Variants in PLIN5 observed in about 807,000 individuals in gnomAD.
PLIN5 encodes the protein perilipin 5.
PLIN5 carries 34 observed loss-of-function variants against 32.8 expected under a neutral mutation model. The observed-to-expected ratio is 1.04, with a 90% CI of 0.79 to 1.38. The LOEUF is 1.38. Among genes scored for constraint, PLIN5 ranks in the 40% most tolerant of loss-of-function variants. The pLI, the probability that PLIN5 is intolerant of heterozygous loss-of-function variation, is 0.00. For missense variants in PLIN5, 712 were observed against 660.5 expected, an observed-to-expected ratio of 1.08 and a Z score of -0.85; for synonymous variants, 309 against 292.9, an observed-to-expected ratio of 1.05 and a Z score of -0.56.
intron 7 of PLIN5, 45 bp downstream of exon 7, chr19:4,524,918 G>A (rs1251774772): frequency 2.0e-5 from 29 of 1,482,280 alleles, no homozygotes; most frequent in Non-Finnish European, 2.5e-5. Context: ...TTCCTCCGCG[G>A]CCTGGTGGCA....
At position 4,523,078 on chromosome 19, in the gene PLIN5, C is replaced by CT. The variant is rs71168910; in HGVS notation, c.*449dup. ...TACAGGTGCACACCACCACACCTGG[C>CT]TTTTTTTTTTTTTTTCTTTCTTTCT... is the stretch of plus-strand genomic sequence containing the variant. On this transcript the variant is annotated 3_prime_UTR_variant, in exon 8 of 8. Coordinates refer to ENST00000381848, the MANE Select transcript of PLIN5 (RefSeq NM_001013706.3). The surrounding 1 kb of genome is among the most constrained non-coding windows in gnomAD (Gnocchi z 5.0). 0.036 allele frequency: 5,091 copies of CT among 140,188 alleles called. 111 individuals carry two copies. Among genetic ancestry groups the CT allele is most frequent in the Middle Eastern group, 0.051 (14 of 276 alleles). The allele number at this position is 140,188 out of a possible 1,614,324, so 8.7% of individuals were successfully genotyped here.
rs898700566 is a variant in PLIN5 at position 4,529,709 on chromosome 19, C to A, written c.339+75G>T. On this transcript the variant is annotated intron_variant, in intron 4 of 7. Coordinates refer to ENST00000381848, the MANE Select transcript of PLIN5 (RefSeq NM_001013706.3). ...GAGTTAACTAAAAGCCTGGTTGTCA[C>A]CATCCCTCCCTCCCTCCCGCCTCTA... 4.3e-6 allele frequency: 5 copies of A among 1,171,176 alleles called. No individual in the cohort carries two copies. The African/African-American group carries it at 7.7e-5, about 18-fold the overall frequency. The allele number at this position is 1,171,176 out of a possible 1,614,324, so 72.5% of individuals were successfully genotyped here.
Position 4,523,317 on chromosome 19 carries a change from C to G in PLIN5, c.*211G>C. The G allele has an allele frequency of 1.9e-6, 1 of 525,798 alleles. No individual in the cohort carries two copies. The highest frequency in any genetic ancestry group is 3.2e-6 in the Non-Finnish European group (1 of 312,056). The allele number at this position is 525,798 out of a possible 1,614,324, so 32.6% of individuals were successfully genotyped here. ...GGCTCAAGTTGGCCTGAATAGGGTT[C>G]GAGGCCCTGCTCCCCCGGGCCTCTT... On this transcript the variant is annotated 3_prime_UTR_variant, in exon 8 of 8. Coordinates refer to ENST00000381848, the MANE Select transcript of PLIN5 (RefSeq NM_001013706.3). This position sits in a 1 kb window ranked among gnomAD's most constrained non-coding sequence, Gnocchi z 5.0.
chr19:4,528,442 A>G (rs1396566701), intron 5 of PLIN5: 1 of 150,498 alleles, frequency 6.6e-6, no homozygotes, highest in Admixed American at 6.6e-5. Context: ...GGAGTCTCGC[A>G]CTGTGGCCTG....
In PLIN5 at chr19:4,525,802, T is replaced by C. The variant is rs1701947230; in HGVS notation, c.551A>G (p.Glu184Gly). ...CCTCTGATCCTCCACCGAACCCACT[T>C]CAGGGCCTTCAGCCTCAGCCGCCAG... is the stretch of plus-strand genomic sequence containing the variant. Reference protein sequence around the residue: ...AALAAEAEGPEVGSVEDQRRQ... With the variant: ...AALAAEAEGPGVGSVEDQRRQ... Residue 184 changes from glutamate to glycine, a missense_variant, in exon 6 of 8, where the codon GAA (glutamate) becomes GGA (glycine). Glu to Gly is a moderately conservative substitution (Grantham distance 98). Transcript: ENST00000381848. This position sits in a 1 kb window ranked among gnomAD's most constrained non-coding sequence, Gnocchi z 5.6. 6.2e-7 allele frequency: 1 copy of C among 1,612,630 alleles called. No homozygotes were observed. Among genetic ancestry groups the C allele is most frequent in the Non-Finnish European group, 8.5e-7 (1 of 1,179,782 alleles).
intron 5 of PLIN5, among the ~76,000 whole-genome samples, chr19:4,526,123 A>G (rs1976800497): frequency 6.6e-6 from 1 of 152,134 alleles, no homozygotes; most frequent in African/African-American, 2.4e-5. Flanking sequence ...GCCCTGTTTT[A>G]CACAGGAGGA....
intron 5 of PLIN5, 94 bp downstream of exon 5, chr19:4,528,979 G>T: frequency 7.5e-7 from 1 of 1,329,980 alleles, no homozygotes; most frequent in South Asian, 1.4e-5. Flanking sequence ...TCTGCTGTGT[G>T]ACCTTGGGTG....
Position 4,525,170 on chromosome 19 carries a change from A to T in PLIN5, c.721-94T>A, listed in dbSNP as rs1599761160. On this transcript the variant is annotated intron_variant, in intron 6 of 7. Transcript: ENST00000381848. The surrounding 1 kb of genome is among the most constrained non-coding windows in gnomAD (Gnocchi z 5.6). ...CAGGACCACTGATCTGGCCTCAGTA[A>T]GCATTTAGGAGACCGAGGCAGGTTG... The T allele has an allele frequency of 2.7e-6, 2 of 750,888 alleles. No homozygotes were observed. Among genetic ancestry groups the T allele is most frequent in the Non-Finnish European group, 2.0e-6 (1 of 488,768 alleles). The allele number at this position is 750,888 out of a possible 1,614,324, so 46.5% of individuals were successfully genotyped here. A position where few individuals can be genotyped will look rare whatever the true frequency, so the allele number is the denominator to read the frequency against.
Position 4,525,124 on chromosome 19 carries a change from G to T in PLIN5, c.721-48C>A. ...CTTCAGAGCTGGGGGAGCTGGGGGA[G>T]CTGGGGGTCGGGGTGGGGTCCAGGA... is the stretch of plus-strand genomic sequence containing the variant. On this transcript the variant is annotated intron_variant, in intron 6 of 7. Transcript: ENST00000381848. This position sits in a 1 kb window ranked among gnomAD's most constrained non-coding sequence, Gnocchi z 5.6. 1 of 1,077,664 alleles carries T rather than the reference G, an allele frequency of 9.3e-7. No homozygotes were observed. The highest frequency in any genetic ancestry group is 1.3e-6 in the Non-Finnish European group (1 of 799,768). 66.8% of individuals were successfully genotyped at this position (1,077,664 alleles called of 1,614,324 possible).
chr19:4,529,527 T>TACATATATACTTATACGTATATAC, intron 4 of PLIN5: 1 of 465,548 alleles, frequency 2.1e-6, no homozygotes, highest in Non-Finnish European at 3.6e-6. Context: ...TATACACATA[T>TACATATATACTTATACGTATATAC]ACATATATAC....
chr19:4,524,306 C>G (rs188562503), intron 7 of PLIN5, among the ~76,000 whole-genome samples: 2 of 152,332 alleles, frequency 1.3e-5, no homozygotes, highest in East Asian at 3.9e-4. Context: ...AATCCCAGCA[C>G]TTTGGGAGGC....
intron 7 of PLIN5, among the ~76,000 whole-genome samples, chr19:4,524,373 G>T (rs1463335570): frequency 6.6e-6 from 1 of 152,160 alleles, no homozygotes; most frequent in Admixed American, 6.5e-5. Flanking sequence ...CCAACATGGC[G>T]AAACCCCGTA....
At chr19:4,526,428 G>A (rs1976804503) in intron 5 of PLIN5, among the ~76,000 whole-genome samples, 1 of 152,084 alleles carries the variant, frequency 6.6e-6, no homozygotes, top group Non-Finnish European at 1.5e-5. Flanking sequence ...CACCATGTTG[G>A]CCAGGCTGGT....
Position 4,534,187 on chromosome 19 carries a change from T to C in PLIN5, c.-21-92A>G. On this transcript the variant is annotated intron_variant, in intron 1 of 7. Coordinates refer to ENST00000381848, the MANE Select transcript of PLIN5 (RefSeq NM_001013706.3). ...TGACTTGAGCAACTCTCAAACCTCT[T>C]GGGGCCTCAGTTTCTTCATCTGCAT... is the stretch of plus-strand genomic sequence containing the variant. 6 of 1,073,900 alleles carry C rather than the reference T, an allele frequency of 5.6e-6. No homozygotes were observed. The South Asian group carries it at 6.9e-5, about 12-fold the overall frequency. The allele number at this position is 1,073,900 out of a possible 1,614,324, so 66.5% of individuals were successfully genotyped here.
At position 4,525,005 on chromosome 19, in the gene PLIN5, C is replaced by T; in HGVS notation, c.792G>A (p.Gly264=). ...ACPGKVHELW[G]EWGQRPPESR... ...TCTCCGGAGGGCGCTGGCCCCATTC[C>T]CCCCACAGCTCGTGCACCTTCCCAG... is the stretch of plus-strand genomic sequence containing the variant. Residue 264 remains glycine, a synonymous_variant, in exon 7 of 8, where the codon GGG becomes GGA. Transcript: ENST00000381848. This position sits in a 1 kb window ranked among gnomAD's most constrained non-coding sequence, Gnocchi z 5.6. 6.6e-7 allele frequency: 1 copy of T among 1,517,866 alleles called. No homozygotes were observed. The highest frequency in any genetic ancestry group is 1.2e-5 in the South Asian group (1 of 81,218). The allele number at this position is 1,517,866 out of a possible 1,614,324, so 94.0% of individuals were successfully genotyped here. A position where few individuals can be genotyped will look rare whatever the true frequency, so the allele number is the denominator to read the frequency against.
intron 4 of PLIN5, chr19:4,529,521 C>CGT (rs1267501934): frequency 6.0e-6 from 3 of 496,704 alleles, no homozygotes; most frequent in Admixed American, 3.6e-5. Context: ...TGTATATATA[C>CGT]ACATATACAT....
chr19:4,529,883 G>A lies in PLIN5; in HGVS notation c.257-17C>T, dbSNP rs369680654. On this transcript the variant is annotated splice_polypyrimidine_tract_variant and intron_variant, in intron 3 of 7. Coordinates refer to ENST00000381848, the MANE Select transcript of PLIN5 (RefSeq NM_001013706.3). ...TAGTGGCCACTGAAGGGAGAGAGGCGGGGAGTGAGACTCGGGGAGACGCAG... is the reference window on the plus strand; with the variant it reads ...TAGTGGCCACTGAAGGGAGAGAGGCAGGGAGTGAGACTCGGGGAGACGCAG... 1.4e-4 allele frequency: 223 copies of A among 1,569,180 alleles called. No homozygotes were observed. In the African/African-American group the frequency reaches 2.4e-3, roughly 17 times the overall value.
intron 3 of PLIN5, among the ~76,000 whole-genome samples, chr19:4,531,194 T>C (rs1976879489): frequency 6.6e-6 from 1 of 151,454 alleles, no homozygotes; most frequent in Non-Finnish European, 1.5e-5. Flanking sequence ...AGAGACAGGG[T>C]TTCACTATGT....
At chr19:4,527,538 CAAAAAAAA>C (rs1176219746) in intron 5 of PLIN5, among the ~76,000 whole-genome samples, 3 of 29,684 alleles carry the variant, frequency 1.0e-4, no homozygotes, top group South Asian at 4.2e-3. Context: ...GACTCCACTT[CAAAAAAAA>C]AAAAAAAAAA....
Sources: allele counts gnomAD v4.1 joint callset (sites outside exome capture counted in the v4.1 genomes callset), GRCh38; gene constraint gnomAD v4.1.1; non-coding constraint Gnocchi (gnomAD v3.1); transcripts MANE v1.5; gene names NCBI Gene and HGNC (gene_info 2026-07-23, HGNC 2026-07-21).